Variants in SGCZ observed in about 807,000 individuals in gnomAD.
SGCZ encodes zeta-sarcoglycan.
In SGCZ, 40 loss-of-function variants were observed where a neutral mutation model predicts 41.3. The observed-to-expected ratio is 0.97, with a 90% CI of 0.75 to 1.26. The LOEUF (loss-of-function observed/expected upper bound fraction) is 1.26, where lower values mean the gene tolerates loss of function less well. SGCZ is among the 50% of genes most tolerant of loss of function. The pLI is 0.00. For synonymous variants in SGCZ, 206 were observed against 137.5 expected (o/e 1.50, Z -3.49); for missense variants, 552 against 369.8 (o/e 1.49, Z -4.04).
At chr8:14,299,444 C>T (rs1428973840) in intron 3 of SGCZ, among the ~76,000 whole-genome samples, 1 of 151,840 alleles carries the variant, frequency 6.6e-6, no homozygotes, top group Non-Finnish European at 1.5e-5. Context: ...AATATATAAA[C>T]AATTCCTACA....
chr8:15,076,813 C>T (rs1191569089), intron 1 of SGCZ, among the ~76,000 whole-genome samples: 4 of 150,282 alleles, frequency 2.7e-5, no homozygotes, highest in South Asian at 2.1e-4. Context: ...CCAGCATTCC[C>T]TTTTTCGTTA....
chr8:14,898,678 G>A (rs1457757303), intron 1 of SGCZ, among the ~76,000 whole-genome samples: 3 of 152,124 alleles, frequency 2.0e-5, no homozygotes, highest in Non-Finnish European at 4.4e-5. Flanking sequence ...TCTGAGATGA[G>A]AAGAGTCAAG....
chr8:14,261,624 T>G (rs952414903), intron 3 of SGCZ, among the ~76,000 whole-genome samples: 2 of 152,200 alleles, frequency 1.3e-5, no homozygotes, highest in Non-Finnish European at 2.9e-5. Flanking sequence ...TTTATAGTTA[T>G]TCTTAAATTT....
At chr8:14,808,514 T>C (rs1391506321) in intron 1 of SGCZ, among the ~76,000 whole-genome samples, 1 of 151,888 alleles carries the variant, frequency 6.6e-6, no homozygotes, top group Non-Finnish European at 1.5e-5. Context: ...GAAATGCAAA[T>C]CAAAACCACA....
intron 1 of SGCZ, among the ~76,000 whole-genome samples, chr8:14,648,074 G>T (rs749847620): frequency 6.6e-6 from 1 of 151,906 alleles, no homozygotes. Flanking sequence ...GATTTGACAG[G>T]GAGTGACCTA....
chr8:14,554,766 G>A lies in SGCZ; in HGVS notation c.200C>T (p.Thr67Ile), dbSNP rs1317722669. Reference sequence around the variant, plus strand: ...ATTCATAACTTTCAATATCCATATTGTCATGGCTAAGTTAACTATCATGGT... The same window carrying A: ...ATTCATAACTTTCAATATCCATATTATCATGGCTAAGTTAACTATCATGGT... ...LVTMIVNLAM[T>I]IWILKVMNFT... Residue 67 changes from threonine to isoleucine, a missense_variant, in exon 2 of 8, where the codon ACA (threonine) becomes ATA (isoleucine). By Grantham distance (89) the Thr-to-Ile change is moderately conservative (BLOSUM62 -1). Coordinates refer to ENST00000382080, the MANE Select transcript of SGCZ (RefSeq NM_139167.4). The A allele has an allele frequency of 1.2e-6, 2 of 1,612,798 alleles. No individual in the cohort carries two copies. The highest frequency in any genetic ancestry group is 8.5e-7 in the Non-Finnish European group (1 of 1,179,332).
chr8:14,581,809 T>A (rs748804198), intron 1 of SGCZ, among the ~76,000 whole-genome samples: 2 of 152,154 alleles, frequency 1.3e-5, no homozygotes, highest in Non-Finnish European at 2.9e-5. Context: ...AAAACTGAAG[T>A]ATACTACTTC....
At chr8:15,180,660 C>T (rs745855510) in intron 1 of SGCZ, among the ~76,000 whole-genome samples, 14 of 151,458 alleles carry the variant, frequency 9.2e-5, no homozygotes, top group African/African-American at 1.7e-4. Context: ...CCAAGGCAGG[C>T]GGATCATGAG....
intron 1 of SGCZ, among the ~76,000 whole-genome samples, chr8:15,231,687 T>C (rs1051470840): frequency 2.1e-5 from 3 of 144,800 alleles, no homozygotes; most frequent in Non-Finnish European, 4.5e-5. Flanking sequence ...AGTGGCAAGA[T>C]GTCAGCTCAC....
At chr8:15,075,254 C>G (rs552883881) in intron 1 of SGCZ, among the ~76,000 whole-genome samples, 72 of 151,806 alleles carry the variant, frequency 4.7e-4, no homozygotes, top group African/African-American at 1.7e-3. Context: ...ATCATTCCCG[C>G]TTAGGGTTAG....
intron 1 of SGCZ, among the ~76,000 whole-genome samples, chr8:14,634,553 G>T (rs547599206): frequency 6.6e-6 from 1 of 151,770 alleles, no homozygotes; most frequent in African/African-American, 2.4e-5. Context: ...AAATAAATCA[G>T]ATTGAACCCT....
At chr8:14,575,455 A>G (rs142946650) in intron 1 of SGCZ, among the ~76,000 whole-genome samples, 1 of 152,380 alleles carries the variant, frequency 6.6e-6, no homozygotes, top group African/African-American at 2.4e-5. Context: ...CTTATTTTCC[A>G]TAATTTGTGT....
intron 1 of SGCZ, among the ~76,000 whole-genome samples, chr8:15,029,676 C>A (rs1803587346): frequency 6.6e-6 from 1 of 152,004 alleles, no homozygotes; most frequent in African/African-American, 2.4e-5. Flanking sequence ...ATCCCTTGTC[C>A]ATTGTAGAAT....
chr8:14,794,225 T>TA (rs1436157091), intron 1 of SGCZ, among the ~76,000 whole-genome samples: 1 of 151,916 alleles, frequency 6.6e-6, no homozygotes, highest in Non-Finnish European at 1.5e-5. Flanking sequence ...ATGTGGAAGG[T>TA]AAAAAATAAT....
chr8:14,569,908 A>G (rs1315864750), intron 1 of SGCZ, among the ~76,000 whole-genome samples: 6 of 151,152 alleles, frequency 4.0e-5, no homozygotes, highest in African/African-American at 1.5e-4. Flanking sequence ...AGTGAGGCCA[A>G]AGAAGTGAGG....
intron 2 of SGCZ, among the ~76,000 whole-genome samples, chr8:14,458,855 A>C (rs776739097): frequency 6.6e-6 from 1 of 152,084 alleles, no homozygotes; most frequent in Admixed American, 6.6e-5. Flanking sequence ...AAACAAACAA[A>C]CAACACCATT....
At chr8:14,450,323 G>A (rs543594140) in intron 2 of SGCZ, among the ~76,000 whole-genome samples, 5 of 96,408 alleles carry the variant, frequency 5.2e-5, no homozygotes, top group East Asian at 2.6e-4. Flanking sequence ...CAAGTATTGC[G>A]GTATGCATAT....
At chr8:14,494,489 G>A (rs993018067) in intron 2 of SGCZ, among the ~76,000 whole-genome samples, 1 of 152,092 alleles carries the variant, frequency 6.6e-6, no homozygotes, top group Non-Finnish European at 1.5e-5. Flanking sequence ...TAAAGTTAAA[G>A]TTGATAAAGC....
chr8:15,112,072 TTC>T (rs565354987), intron 1 of SGCZ, among the ~76,000 whole-genome samples: 46 of 152,294 alleles, frequency 3.0e-4, no homozygotes, highest in African/African-American at 1.1e-3. Flanking sequence ...TGCTCTCTTT[TTC>T]TCTCTTTTGT....
Sources: gnomAD v4.1 joint callset for allele counts (sites outside exome capture counted in the v4.1 genomes callset) on GRCh38, gnomAD v4.1.1 for gene constraint, MANE v1.5 for transcripts, NCBI Gene and HGNC (gene_info 2026-07-23, HGNC 2026-07-21) for gene names.